EYS: variants seen among roughly 807,000 people sequenced by gnomAD.
EYS encodes protein eyes shut homolog.
A neutral mutation model predicts 282.1 loss-of-function variants in EYS; 250 were observed. The observed-to-expected ratio is 0.89, with a 90% CI of 0.80 to 0.98. The LOEUF (loss-of-function observed/expected upper bound fraction) is 0.98. Ranked by LOEUF, EYS falls within the 50% of genes least tolerant of loss-of-function variation. The pLI is 0.00. For missense variants in EYS, 4,016 were observed against 3,709.0 expected, an observed-to-expected ratio of 1.08 and a Z score of -2.15; for synonymous variants, 1,355 against 1,282.9, an observed-to-expected ratio of 1.06 and a Z score of -1.20.
At chr6:64,843,052 A>G (rs1175476778) in intron 19 of EYS, among the ~76,000 whole-genome samples, 1 of 152,152 alleles carries the variant, frequency 6.6e-6, no homozygotes, top group Non-Finnish European at 1.5e-5. Context: ...CTAGAAGGAA[A>G]AAATGGTTTC....
chr6:65,196,850 G>C (rs1765779546), intron 12 of EYS, among the ~76,000 whole-genome samples: 1 of 152,068 alleles, frequency 6.6e-6, no homozygotes, highest in African/African-American at 2.4e-5. Flanking sequence ...TCCATTAAGA[G>C]GGAGTGGTAG....
chr6:64,292,006 A>G (rs1768732495), intron 30 of EYS, among the ~76,000 whole-genome samples: 1 of 152,136 alleles, frequency 6.6e-6, no homozygotes. Flanking sequence ...TATTATTACC[A>G]ATATTATTGT....
At chr6:64,975,733 T>C (rs1770454956) in intron 14 of EYS, among the ~76,000 whole-genome samples, 1 of 151,908 alleles carries the variant, frequency 6.6e-6, no homozygotes, top group South Asian at 2.1e-4. Context: ...TCCCTTCTTT[T>C]GATTTTTATA....
At chr6:64,192,562 G>C (rs926079979) in intron 31 of EYS, among the ~76,000 whole-genome samples, 4 of 151,948 alleles carry the variant, frequency 2.6e-5, no homozygotes, top group African/African-American at 9.7e-5. Flanking sequence ...ACAAACCTGA[G>C]AAAAACAAGC....
intron 2 of EYS, among the ~76,000 whole-genome samples, chr6:65,559,949 C>A (rs1045645454): frequency 6.6e-6 from 1 of 150,898 alleles, no homozygotes; most frequent in African/African-American, 2.4e-5. Flanking sequence ...AAAATACTTT[C>A]TAGTTTCTTT....
rs2149624711 is a variant in EYS at position 63,721,263 on chromosome 6, T to C, written c.8768A>G (p.His2923Arg). The part of the protein sequence containing the change: ...SVSCLNNLCL[H>R]QSLCIPDQSF... ...TTGGTCAGGTATACATAAAGATTGG[T>C]GGAGGCAAAGATTATTCAAACAGGA... The change falls in exon 43 of 43, where the codon CAC (histidine) becomes CGC (arginine). Residue 2923 changes from histidine (H) to arginine (R), a missense_variant. Transcript: ENST00000503581. 1 of 1,551,938 alleles carries C rather than the reference T, an allele frequency of 6.4e-7. No homozygotes were observed. The highest frequency in any genetic ancestry group is 8.7e-7 in the Non-Finnish European group (1 of 1,146,978).
chr6:65,052,793 C>A (rs760532567), intron 13 of EYS, among the ~76,000 whole-genome samples: 4 of 151,644 alleles, frequency 2.6e-5, no homozygotes, highest in Non-Finnish European at 5.9e-5. Context: ...AATTTATTTG[C>A]TAAGTTCAGT....
intron 12 of EYS, among the ~76,000 whole-genome samples, chr6:65,071,969 A>T (rs1180220862): frequency 1.3e-5 from 2 of 151,700 alleles, no homozygotes; most frequent in African/African-American, 2.4e-5. Context: ...TAGTGTCTTG[A>T]TATTGACTTT....
intron 22 of EYS, among the ~76,000 whole-genome samples, chr6:64,789,966 A>G (rs1362695368): frequency 6.6e-6 from 1 of 151,950 alleles, no homozygotes; most frequent in Non-Finnish European, 1.5e-5. Context: ...GTGGGAAGCA[A>G]TATATCATTA....
chr6:65,368,310 A>G (rs1582196201), intron 8 of EYS, among the ~76,000 whole-genome samples: 2 of 151,726 alleles, frequency 1.3e-5, no homozygotes, highest in South Asian at 4.1e-4. Flanking sequence ...TTTTTGTCCT[A>G]GATCTATTAA....
chr6:64,933,567 CAG>C (rs201289721), intron 15 of EYS, among the ~76,000 whole-genome samples: 4,932 of 152,206 alleles, frequency 0.032, 135 homozygotes, highest in East Asian at 0.13. Context: ...CTGTGGAAGA[CAG>C]TGTGGCGATT....
intron 13 of EYS, among the ~76,000 whole-genome samples, chr6:65,010,372 C>T (rs1201918510): frequency 1.3e-5 from 2 of 152,208 alleles, no homozygotes; most frequent in Non-Finnish European, 2.9e-5. Context: ...TGTCAGACAA[C>T]CATTTACTTA....
At chr6:65,414,393 A>G (rs1457843282) in intron 5 of EYS, among the ~76,000 whole-genome samples, 1 of 152,188 alleles carries the variant, frequency 6.6e-6, no homozygotes, top group Non-Finnish European at 1.5e-5. Context: ...ATGTCCAAGA[A>G]GGAAAGCAGA....
intron 31 of EYS, among the ~76,000 whole-genome samples, chr6:64,134,768 T>C (rs1030309474): frequency 6.6e-6 from 1 of 152,090 alleles, no homozygotes; most frequent in Non-Finnish European, 1.5e-5. Context: ...CTCTGCATAT[T>C]GATCTAGAGA....
intron 36 of EYS, among the ~76,000 whole-genome samples, chr6:63,834,263 G>A (rs1771735536): frequency 6.6e-6 from 1 of 152,128 alleles, no homozygotes; most frequent in Non-Finnish European, 1.5e-5. Flanking sequence ...TACCATGAGA[G>A]TGAACAGGCA....
intron 35 of EYS, among the ~76,000 whole-genome samples, chr6:63,874,310 C>G (rs544348699): frequency 1.3e-5 from 2 of 151,926 alleles, no homozygotes; most frequent in African/African-American, 2.4e-5. Flanking sequence ...GTTGTAGATG[C>G]GTGCTATTAT....
intron 2 of EYS, among the ~76,000 whole-genome samples, chr6:65,573,560 T>A (rs1764553097): frequency 6.6e-6 from 1 of 152,186 alleles, no homozygotes; most frequent in South Asian, 2.1e-4. Context: ...ATGCATATGT[T>A]CACGCAGGTA....
intron 31 of EYS, among the ~76,000 whole-genome samples, chr6:64,082,933 G>A (rs1336629130): frequency 2.1e-5 from 3 of 146,078 alleles, no homozygotes; most frequent in African/African-American, 7.5e-5. Context: ...TTTTGAGATA[G>A]TGTCTCATTT....
At chr6:65,454,783 C>A (rs1764540241) in intron 5 of EYS, among the ~76,000 whole-genome samples, 1 of 151,936 alleles carries the variant, frequency 6.6e-6, no homozygotes, top group Non-Finnish European at 1.5e-5. Flanking sequence ...AATGTGTGTT[C>A]TTCTTACCTT....
Sources: gnomAD v4.1 joint callset for allele counts (sites outside exome capture counted in the v4.1 genomes callset) on GRCh38, gnomAD v4.1.1 for gene constraint, MANE v1.5 for transcripts, NCBI Gene and HGNC (gene_info 2026-07-23, HGNC 2026-07-21) for gene names.